Variants in APP observed in about 807,000 individuals in gnomAD.
APP encodes the protein amyloid beta precursor protein, also known as amyloid-beta precursor protein.
A neutral mutation model predicts 101.4 loss-of-function variants in APP; 31 were observed. The ratio of observed to expected loss-of-function variants is 0.31; its 90% CI spans 0.23 to 0.41. APP has a LOEUF of 0.41. APP is among the 10% of genes least tolerant of loss of function. The pLI is 1.00. For synonymous variants in APP, 366 were observed against 364.4 expected (o/e 1.00, Z -0.05); for missense variants, 839 against 1,003.7 (o/e 0.84, Z 2.22).
At chr21:25,915,857 C>T (rs1204632097) in intron 13 of APP, among the ~76,000 whole-genome samples, 1 of 152,166 alleles carries the variant, frequency 6.6e-6, no homozygotes, top group East Asian at 1.9e-4. Context: ...CAAATGGCCA[C>T]CAGCATGCTG....
At chr21:26,156,098 C>T (rs898473500) in intron 1 of APP, among the ~76,000 whole-genome samples, 2 of 151,602 alleles carry the variant, frequency 1.3e-5, no homozygotes, top group South Asian at 2.1e-4. Flanking sequence ...AGTGGATGTG[C>T]CTTTATGCAG....
chr21:26,002,312 T>C (rs949536695), intron 6 of APP, among the ~76,000 whole-genome samples: 1 of 15,744 alleles, frequency 6.4e-5, no homozygotes, highest in African/African-American at 2.5e-4. Context: ...ACCAGTACTT[T>C]ATTGCATCTA....
intron 8 of APP, among the ~76,000 whole-genome samples, chr21:25,994,373 T>C (rs549952861): frequency 6.6e-6 from 1 of 152,250 alleles, no homozygotes; most frequent in South Asian, 2.1e-4. Context: ...ACGAATAAAA[T>C]GAAAGCTCTC....
At chr21:26,127,377 G>T (rs188854688) in intron 1 of APP, among the ~76,000 whole-genome samples, 1 of 152,090 alleles carries the variant, frequency 6.6e-6, no homozygotes, top group Non-Finnish European at 1.5e-5. Context: ...CGGAGAAAAG[G>T]CTTAAAAACT....
intron 11 of APP, among the ~76,000 whole-genome samples, chr21:25,967,466 C>G (rs1156748971): frequency 1.3e-5 from 2 of 152,148 alleles, no homozygotes; most frequent in Non-Finnish European, 2.9e-5. Flanking sequence ...GTAAAAACAC[C>G]AAAAATCTCA....
At chr21:25,897,786 G>C in intron 15 of APP, 113 bp from the exon 16 acceptor site, 1 of 838,956 alleles carries the variant, frequency 1.2e-6, no homozygotes, top group Non-Finnish European at 2.0e-6. Context: ...GAAGTTAGAA[G>C]AAAATTGATA....
intron 1 of APP, among the ~76,000 whole-genome samples, chr21:26,135,831 T>C (rs1457009262): frequency 6.6e-6 from 1 of 152,012 alleles, no homozygotes; most frequent in Non-Finnish European, 1.5e-5. Context: ...TCTGGACTTG[T>C]GTTTTAGAAA....
At chr21:26,046,064 CA>C (rs2045595613) in intron 5 of APP, among the ~76,000 whole-genome samples, 1 of 151,996 alleles carries the variant, frequency 6.6e-6, no homozygotes, top group Non-Finnish European at 1.5e-5. Context: ...TTATTCACTT[CA>C]CAGGAACAGC....
At chr21:25,903,308 G>A (rs2038606603) in intron 15 of APP, among the ~76,000 whole-genome samples, 1 of 149,288 alleles carries the variant, frequency 6.7e-6, no homozygotes, top group South Asian at 2.1e-4. Flanking sequence ...GGCAGAGGTT[G>A]CAGTGAGTTG....
intron 1 of APP, among the ~76,000 whole-genome samples, chr21:26,137,568 G>GTCT (rs1489949386): frequency 6.6e-6 from 1 of 152,114 alleles, no homozygotes; most frequent in Admixed American, 6.6e-5. Context: ...AACAAGACCA[G>GTCT]AGAGCTCTTT....
chr21:26,100,357 T>C (rs1430855812), intron 2 of APP, among the ~76,000 whole-genome samples: 2 of 152,198 alleles, frequency 1.3e-5, no homozygotes, highest in Non-Finnish European at 1.5e-5. Context: ...ATTTGAGATC[T>C]TTCAAATTCC....
intron 2 of APP, among the ~76,000 whole-genome samples, chr21:26,108,666 T>A (rs1015685393): frequency 7.2e-5 from 11 of 152,072 alleles, no homozygotes; most frequent in African/African-American, 2.7e-4. Flanking sequence ...AGAGGGTGGA[T>A]CGCAAGGTCA....
intron 5 of APP, among the ~76,000 whole-genome samples, chr21:26,023,373 T>TTAAAAA (rs71327996): frequency 9.1e-6 from 1 of 109,820 alleles, no homozygotes; most frequent in African/African-American, 3.4e-5. Context: ...CCAAAAAAAT[T>TTAAAAA]AAAAAAAAAA....
chr21:26,108,015 G>A (rs2062223697), intron 2 of APP, among the ~76,000 whole-genome samples: 1 of 152,196 alleles, frequency 6.6e-6, no homozygotes. Flanking sequence ...GCAACATGCA[G>A]TGAAGTTCTG....
chr21:25,912,431 G>A (rs892584053), intron 13 of APP, among the ~76,000 whole-genome samples: 1 of 152,192 alleles, frequency 6.6e-6, no homozygotes, highest in Non-Finnish European at 1.5e-5. Flanking sequence ...ACACTTGCAA[G>A]GATAAGAAAA....
intron 1 of APP, among the ~76,000 whole-genome samples, chr21:26,136,682 T>A (rs2062925701): frequency 6.6e-6 from 1 of 152,144 alleles, no homozygotes; most frequent in Non-Finnish European, 1.5e-5. Flanking sequence ...CTTCCTTGTA[T>A]CTGAGCTTTG....
chr21:26,019,102 C>T (rs1326095559), intron 6 of APP, among the ~76,000 whole-genome samples: 1 of 152,214 alleles, frequency 6.6e-6, no homozygotes. Flanking sequence ...CCTTGTTCAC[C>T]TGTTACCTCA....
chr21:26,053,300 A>G lies in APP; in HGVS notation c.404T>C (p.Phe135Ser). The G allele has an allele frequency of 6.2e-7, 1 of 1,613,890 alleles. No individual in the cohort carries two copies. Among genetic ancestry groups the G allele is most frequent in the Non-Finnish European group, 8.5e-7 (1 of 1,179,876 alleles). Residue 135 changes from phenylalanine (F) to serine (S), a missense_variant, in exon 4 of 18, where the codon TTC becomes TCC. Coordinates refer to ENST00000346798, the MANE Select transcript of APP (RefSeq NM_000484.4). ...DALLVPDKCK[F>S]LHQERMDVCE... ...AACATCCATCCTCTCCTGGTGTAAG[A>G]ATTTGCACTTGTCAGGAACGAGAAG...
chr21:25,932,028 T>A (rs1018774282), intron 13 of APP, among the ~76,000 whole-genome samples: 2 of 152,224 alleles, frequency 1.3e-5, no homozygotes. Context: ...CCACCCATGA[T>A]AAAATAACAT....
Sources: gnomAD v4.1 joint callset for allele counts (sites outside exome capture counted in the v4.1 genomes callset) on GRCh38, gnomAD v4.1.1 for gene constraint, MANE v1.5 for transcripts, NCBI Gene and HGNC (gene_info 2026-07-23, HGNC 2026-07-21) for gene names.